Variants in ZCCHC7 observed in about 807,000 individuals in gnomAD.
The protein encoded by ZCCHC7 is zinc finger CCHC-type containing 7.
ZCCHC7 carries 35 observed loss-of-function variants against 52.0 expected under a neutral mutation model. The ratio of observed to expected loss-of-function variants is 0.67; its 90% confidence interval spans 0.51 to 0.89. The LOEUF is 0.89. Ranked by LOEUF, ZCCHC7 falls within the 40% of genes least tolerant of loss-of-function variation. The pLI, the probability that ZCCHC7 is intolerant of heterozygous loss-of-function variation, is 0.00. For synonymous variants in ZCCHC7, 217 were observed against 221.5 expected (o/e 0.98, Z 0.18); for missense variants, 574 against 649.1 (o/e 0.88, Z 1.26).
rs574190937 is a variant in ZCCHC7 at position 37,212,026 on chromosome 9, C to CAAAAAAAAAAAAAA, written c.610+85110_610+85123dup. Among the ~76,000 whole-genome samples the CAAAAAAAAAAAAAA allele has an allele frequency of 5.1e-4, 28 of 55,422 alleles. 2 individuals carry two copies. The highest frequency in any genetic ancestry group is 2.1e-3 in the East Asian group (2 of 954). 36.4% of individuals were successfully genotyped at this position (55,422 alleles called of 152,430 possible). A position where few individuals can be genotyped will look rare whatever the true frequency, so the allele number is the denominator to read the frequency against. ...TGGGTGACAGAGCGAGACTCCGTCT[C>CAAAAAAAAAAAAAA]AAAAAAAAAAAAAAAAAAAAAAAAA... is the stretch of plus-strand genomic sequence containing the variant. On this transcript the variant is annotated intron_variant, in intron 2 of 8. Coordinates refer to ENST00000336755, the MANE Select transcript of ZCCHC7 (RefSeq NM_032226.3).
intron 2 of ZCCHC7, among the ~76,000 whole-genome samples, chr9:37,186,224 T>C (rs149597485): frequency 6.2e-4 from 95 of 152,314 alleles, no homozygotes; most frequent in African/African-American, 2.2e-3. Context: ...TTTTAGTTCC[T>C]TTTACTTTCT....
chr9:37,345,026 C>A lies in ZCCHC7; in HGVS notation c.988-4331C>A, dbSNP rs181777474. Among the ~76,000 whole-genome samples, 4 of 152,326 alleles carry A rather than the reference C, an allele frequency of 2.6e-5. No individual in the cohort carries two copies. In the East Asian group the frequency reaches 7.7e-4, roughly 29 times the overall value. ...TAGGAAAAGTGACCTATGTTCTGTT[C>A]TTCAGCAGCTTTCTACTTATAATAA... On this transcript the variant is annotated intron_variant, in intron 6 of 8. Coordinates refer to ENST00000336755, the MANE Select transcript of ZCCHC7 (RefSeq NM_032226.3).
intron 2 of ZCCHC7, among the ~76,000 whole-genome samples, chr9:37,264,287 A>T (rs1034090053): frequency 6.6e-6 from 1 of 152,210 alleles, no homozygotes; most frequent in African/African-American, 2.4e-5. Flanking sequence ...AATAGTACTT[A>T]TAAAATAAAA....
chr9:37,151,818 A>G (rs564182957), intron 2 of ZCCHC7, among the ~76,000 whole-genome samples: 11 of 152,178 alleles, frequency 7.2e-5, no homozygotes, highest in South Asian at 6.2e-4. Flanking sequence ...GAAAAAAAAA[A>G]TCTTTTTTCT....
chr9:37,276,197 G>T (rs1389062390), intron 2 of ZCCHC7, among the ~76,000 whole-genome samples: 1 of 152,164 alleles, frequency 6.6e-6, no homozygotes, highest in African/African-American at 2.4e-5. Flanking sequence ...ACCTATTTAA[G>T]TCGTGCTGGA....
chr9:37,343,873 G>T (rs1820789934), intron 6 of ZCCHC7, among the ~76,000 whole-genome samples: 1 of 152,190 alleles, frequency 6.6e-6, no homozygotes, highest in South Asian at 2.1e-4. Flanking sequence ...TATCCTTATA[G>T]TATGAAATCA....
At chr9:37,304,378 G>C (rs1421185899) in intron 4 of ZCCHC7, 65 bp downstream of exon 4, 10 of 1,568,904 alleles carry the variant, frequency 6.4e-6, no homozygotes, top group Non-Finnish European at 8.7e-6. Context: ...GTGAGGCTGG[G>C]CACGGTGGCT....
At chr9:37,320,959 G>A (rs1830023018) in intron 5 of ZCCHC7, among the ~76,000 whole-genome samples, 2 of 147,356 alleles carry the variant, frequency 1.4e-5, no homozygotes, top group Non-Finnish European at 3.0e-5. Context: ...TTATGATGGA[G>A]TTTATATAAT....
At chr9:37,241,410 C>T (rs1825868613) in intron 2 of ZCCHC7, among the ~76,000 whole-genome samples, 1 of 151,796 alleles carries the variant, frequency 6.6e-6, no homozygotes, top group East Asian at 1.9e-4. Context: ...TAGCAAAGCA[C>T]GATTGGAAAT....
chr9:37,160,972 G>T lies in ZCCHC7; in HGVS notation c.610+34030G>T, dbSNP rs1428880547. Among the ~76,000 whole-genome samples the T allele has an allele frequency of 2.0e-4, 30 of 149,736 alleles. 1 individual carries two copies. The highest frequency in any genetic ancestry group is 1.9e-3 in the Admixed American group (29 of 15,134). On this transcript the variant is annotated intron_variant, in intron 2 of 8. Transcript: ENST00000336755. ...CAATAATTTTTTTTTTTTTTTAGATGGAGTCTTGGCTCTGTTGCCCAGGCT... is the reference window on the plus strand; with the variant it reads ...CAATAATTTTTTTTTTTTTTTAGATTGAGTCTTGGCTCTGTTGCCCAGGCT...
At chr9:37,177,485 T>G (rs1015733209) in intron 2 of ZCCHC7, among the ~76,000 whole-genome samples, 7 of 152,168 alleles carry the variant, frequency 4.6e-5, no homozygotes, top group African/African-American at 1.7e-4. Flanking sequence ...CTTTGATTCC[T>G]CCTGCCCCAT....
At chr9:37,135,982 T>G (rs962939084) in intron 2 of ZCCHC7, among the ~76,000 whole-genome samples, 1 of 152,228 alleles carries the variant, frequency 6.6e-6, no homozygotes, top group African/African-American at 2.4e-5. Context: ...GTTACCTATT[T>G]GAATTTTAGG....
intron 5 of ZCCHC7, among the ~76,000 whole-genome samples, chr9:37,311,418 A>G (rs1003057817): frequency 6.6e-6 from 1 of 151,114 alleles, no homozygotes; most frequent in African/African-American, 2.5e-5. Flanking sequence ...TTATTTATTT[A>G]TTTTTATTTT....
At chr9:37,187,204 C>G (rs988379443) in intron 2 of ZCCHC7, 4 of 152,202 alleles carry the variant, frequency 2.6e-5, no homozygotes, top group African/African-American at 7.2e-5. Flanking sequence ...CAACTGTGGT[C>G]TTGACTAGCA....
At chr9:37,316,141 C>T (rs1829809535) in intron 5 of ZCCHC7, among the ~76,000 whole-genome samples, 1 of 151,784 alleles carries the variant, frequency 6.6e-6, no homozygotes, top group African/African-American at 2.4e-5. Flanking sequence ...CTCACTGCAA[C>T]TTCCACCTCC....
chr9:37,178,567 G>T (rs1332950671), intron 2 of ZCCHC7, among the ~76,000 whole-genome samples: 1 of 152,186 alleles, frequency 6.6e-6, no homozygotes, highest in Non-Finnish European at 1.5e-5. Context: ...AAAGGTTATT[G>T]TGAGGATAAA....
chr9:37,188,565 C>G (rs1300868427), intron 2 of ZCCHC7, among the ~76,000 whole-genome samples: 1 of 70,728 alleles, frequency 1.4e-5, no homozygotes, highest in Non-Finnish European at 2.9e-5. Context: ...CTCCCCCTAC[C>G]CTCCCCCCTC....
intron 2 of ZCCHC7, among the ~76,000 whole-genome samples, chr9:37,278,146 A>G (rs951299672): frequency 6.6e-6 from 1 of 151,848 alleles, no homozygotes. Flanking sequence ...TGCAGCCTCG[A>G]GCTCCTAGAC....
At chr9:37,261,563 C>A (rs185377499) in intron 2 of ZCCHC7, among the ~76,000 whole-genome samples, 183 of 152,318 alleles carry the variant, frequency 1.2e-3, no homozygotes, top group African/African-American at 4.2e-3. Context: ...CTTGTGTTCT[C>A]AGGGTGGCCT....
Sources: allele counts gnomAD v4.1 joint callset (sites outside exome capture counted in the v4.1 genomes callset), GRCh38; gene constraint gnomAD v4.1.1; transcripts MANE v1.5; gene names NCBI Gene and HGNC (gene_info 2026-07-23, HGNC 2026-07-21).